The following ALPK1 variants were observed in gnomAD, a reference collection of about 807,000 sequenced individuals.
ALPK1 encodes alpha kinase 1.
A neutral mutation model predicts 120.6 loss-of-function variants in ALPK1; 110 were observed. That is an observed-to-expected ratio of 0.91 (90% CI 0.78 to 1.07). ALPK1 has a LOEUF of 1.07. ALPK1 is among the 50% of genes least tolerant of loss of function. The pLI is 0.00. For missense variants in ALPK1, 1,498 were observed against 1,483.9 expected (o/e 1.01, Z -0.16); for synonymous variants, 582 against 560.3 (o/e 1.04, Z -0.55).
At chr4:112,346,663 A>G (rs148367136) in intron 2 of ALPK1, among the ~76,000 whole-genome samples, 1 of 152,350 alleles carries the variant, frequency 6.6e-6, no homozygotes, top group Non-Finnish European at 1.5e-5. Context: ...AGGTTTTGGT[A>G]TGTGAAATGC....
In ALPK1 at chr4:112,431,448, A is replaced by G; in HGVS notation, c.1901A>G (p.Glu634Gly). ...ALSEELENDR[E>G]GRAMHSLHSQ... ...TCTGAGGAGCTAGAGAATGACAGGGAAGGCAGAGCTATGCATTCATTGCAT... is the reference window on the plus strand; with the variant it reads ...TCTGAGGAGCTAGAGAATGACAGGGGAGGCAGAGCTATGCATTCATTGCAT... Residue 634 changes from glutamate to glycine, a missense_variant, in exon 11 of 16, where the codon GAA becomes GGA. Coordinates refer to ENST00000650871, the MANE Select transcript of ALPK1 (RefSeq NM_025144.4). 1 of 1,614,230 alleles carries G rather than the reference A, an allele frequency of 6.2e-7. No individual in the cohort carries two copies. The highest frequency in any genetic ancestry group is 8.5e-7 in the Non-Finnish European group (1 of 1,180,034).
At position 112,337,345 on chromosome 4, in the gene ALPK1, A is replaced by C. The variant is rs959452729; in HGVS notation, c.-101+21493A>C. ...TCTAAACATAGTTTTGGTGGCATTA[A>C]GTCTGGAAATGTATTGGAAAATGAC... is the stretch of plus-strand genomic sequence containing the variant. On this transcript the variant is annotated intron_variant, in intron 2 of 15. Coordinates refer to ENST00000650871, the MANE Select transcript of ALPK1 (RefSeq NM_025144.4). 7.2e-5 allele frequency among the ~76,000 whole-genome samples: 11 copies of C among 152,276 alleles called. 1 individual carries two copies. The highest frequency in any genetic ancestry group is 4.6e-4 in the Admixed American group (7 of 15,294).
intron 1 of ALPK1, among the ~76,000 whole-genome samples, chr4:112,310,008 T>A (rs1728323252): frequency 6.6e-6 from 1 of 152,108 alleles, no homozygotes; most frequent in Non-Finnish European, 1.5e-5. Context: ...CAACTAGCTC[T>A]TTTTGAAGAT....
intron 2 of ALPK1, among the ~76,000 whole-genome samples, chr4:112,361,218 A>G (rs750249787): frequency 2.6e-5 from 4 of 152,236 alleles, no homozygotes; most frequent in Non-Finnish European, 5.9e-5. Context: ...GACCCTTTGA[A>G]GGAGGTGGAT....
intron 4 of ALPK1, among the ~76,000 whole-genome samples, chr4:112,405,480 A>G (rs974028396): frequency 6.6e-6 from 1 of 151,742 alleles, no homozygotes; most frequent in Non-Finnish European, 1.5e-5. Flanking sequence ...TTTTCTTTTC[A>G]TAGAATTTTC....
chr4:112,354,473 T>C (rs918232703), intron 2 of ALPK1, among the ~76,000 whole-genome samples: 3 of 152,078 alleles, frequency 2.0e-5, no homozygotes, highest in Admixed American at 1.3e-4. Context: ...TTTGTTTTTG[T>C]TTTTTGTTTT....
In ALPK1 at chr4:112,430,665, G is replaced by C; in HGVS notation, c.1118G>C (p.Gly373Ala). The stretch of plus-strand genomic sequence containing the variant: ...CACAGAAGGCTCCATGGGGAGACAG[G>C]GACGGTCCATGCAGCAAGTCAGCTC... ...TVHRRLHGETGTVHAASQLCK... is the reference protein window; with the variant it reads ...TVHRRLHGETATVHAASQLCK... The change falls in exon 11 of 16, where the codon GGG becomes GCG. Residue 373 changes from glycine (G) to alanine (A), a missense_variant. Coordinates refer to ENST00000650871, the MANE Select transcript of ALPK1 (RefSeq NM_025144.4). 6.2e-7 allele frequency: 1 copy of C among 1,614,132 alleles called. No individual in the cohort carries two copies. Among genetic ancestry groups the C allele is most frequent in the Non-Finnish European group, 8.5e-7 (1 of 1,180,012 alleles).
intron 3 of ALPK1, 101 bp from the exon 4 acceptor site, chr4:112,382,289 CTTTTTTTT>C (rs34345428): frequency 3.8e-3 from 2,568 of 667,568 alleles, no homozygotes; most frequent in East Asian, 8.8e-3. Flanking sequence ...AGGTTTTTCT[CTTTTTTTT>C]TTTTTTTTTT....
At chr4:112,324,458 T>C (rs1350113068) in intron 2 of ALPK1, among the ~76,000 whole-genome samples, 1 of 152,098 alleles carries the variant, frequency 6.6e-6, no homozygotes, top group Non-Finnish European at 1.5e-5. Context: ...TTTTGTTTGT[T>C]TGTTTGTTTG....
At chr4:112,357,732 G>A (rs568464252) in intron 2 of ALPK1, 38 of 1,391,680 alleles carry the variant, frequency 2.7e-5, no homozygotes, top group African/African-American at 2.1e-4. Context: ...AGGAGTGCTT[G>A]TCCTCTTTGG....
chr4:112,426,711 C>A (rs1734253263), intron 8 of ALPK1, among the ~76,000 whole-genome samples, 168 bp downstream of exon 8: 3 of 152,182 alleles, frequency 2.0e-5, no homozygotes, highest in Admixed American at 2.0e-4. Context: ...ATGTGTCTTG[C>A]TTCATCCTCA....
In ALPK1 at chr4:112,411,961, G is replaced by T. The variant is rs367762485; in HGVS notation, c.411G>T (p.Leu137Phe). The T allele has an allele frequency of 7.4e-6, 12 of 1,614,142 alleles. No homozygotes were observed. Among genetic ancestry groups the T allele is most frequent in the Non-Finnish European group, 7.6e-6 (9 of 1,180,032 alleles). Residue 137 changes from leucine to phenylalanine, a missense_variant, in exon 5 of 16, where the codon TTG becomes TTT. Transcript: ENST00000650871. ...AGGTCGCCAAAGGTCTCCACAAGTT[G>T]CAGCCAGCCACGCCAATTGCCCCGC... ...LLQVAKGLHKLQPATPIAPQV... is the reference protein window; with the variant it reads ...LLQVAKGLHKFQPATPIAPQV...
At chr4:112,428,394 A>T (rs980039941) in intron 9 of ALPK1, among the ~76,000 whole-genome samples, 2 of 152,202 alleles carry the variant, frequency 1.3e-5, no homozygotes, top group African/African-American at 2.4e-5. Flanking sequence ...ATTATTAAAG[A>T]TACCATTAAA....
At chr4:112,405,779 G>C (rs934353673) in intron 4 of ALPK1, among the ~76,000 whole-genome samples, 2 of 152,054 alleles carry the variant, frequency 1.3e-5, no homozygotes, top group Non-Finnish European at 2.9e-5. Context: ...GTTTCACTAC[G>C]TTGGCCAGGC....
intron 2 of ALPK1, among the ~76,000 whole-genome samples, chr4:112,365,702 AC>A (rs1174031279): frequency 6.6e-6 from 1 of 152,206 alleles, no homozygotes; most frequent in African/African-American, 2.4e-5. Context: ...ACTAGAAAAA[AC>A]AATCCTAAAA....
At chr4:112,373,498 T>C (rs996005591) in intron 2 of ALPK1, among the ~76,000 whole-genome samples, 2 of 152,252 alleles carry the variant, frequency 1.3e-5, no homozygotes, top group Admixed American at 6.5e-5. Context: ...CTTTTTGAAG[T>C]ATCCCAAACA....
intron 2 of ALPK1, chr4:112,357,567 C>T: frequency 2.9e-6 from 4 of 1,372,408 alleles, no homozygotes; most frequent in Non-Finnish European, 3.1e-6. Context: ...GCACACTGGC[C>T]CCCGGGTCCT....
rs777661055 is a variant in ALPK1 at position 112,411,833 on chromosome 4, C to G, written c.283C>G (p.Leu95Val). Residue 95 changes from leucine to valine, a missense_variant, in exon 5 of 16, where the codon CTG becomes GTG. By Grantham distance (32) the Leu-to-Val change is conservative. Coordinates refer to ENST00000650871, the MANE Select transcript of ALPK1 (RefSeq NM_025144.4). Reference protein sequence around the residue: ...GAGLQQLLASLRASILARDCA... With the variant: ...GAGLQQLLASVRASILARDCA... ...TTCCACGCTGTTCCTCCAGGCGTCC[C>G]TGAGGGCCTCCATCCTCGCTCGGGA... The G allele has an allele frequency of 6.2e-7, 1 of 1,611,240 alleles. No individual in the cohort carries two copies. Among genetic ancestry groups the G allele is most frequent in the South Asian group, 1.1e-5 (1 of 90,580 alleles).
intron 2 of ALPK1, among the ~76,000 whole-genome samples, chr4:112,363,288 A>G (rs1730995534): frequency 6.6e-6 from 1 of 152,204 alleles, no homozygotes; most frequent in Non-Finnish European, 1.5e-5. Context: ...CTTAAAAGAT[A>G]CAGAATAGCA....
Sources: gnomAD v4.1 joint callset for allele counts (sites outside exome capture counted in the v4.1 genomes callset) on GRCh38, gnomAD v4.1.1 for gene constraint, MANE v1.5 for transcripts, NCBI Gene and HGNC (gene_info 2026-07-23, HGNC 2026-07-21) for gene names.